The following DCUN1D5 variants were observed in gnomAD, a reference collection of about 807,000 sequenced individuals.
The protein encoded by DCUN1D5 is defective in cullin neddylation 1 domain containing 5, also known as DCN1-like protein 5.
A neutral mutation model predicts 38.3 loss-of-function variants in DCUN1D5; 10 were observed. The observed-to-expected ratio is 0.26, with a 90% CI of 0.16 to 0.44. DCUN1D5 has a LOEUF of 0.44. Among genes scored for constraint, DCUN1D5 ranks in the 20% least tolerant of loss-of-function variants. The pLI is 1.00. For missense variants in DCUN1D5, 148 were observed against 275.3 expected (o/e 0.54, Z 3.27); for synonymous variants, 93 against 90.9 (o/e 1.02, Z -0.13).
rs749513211 is a variant in DCUN1D5 at position 103,062,431 on chromosome 11, C to T, written c.659-17G>A. 1 of 1,609,126 alleles carries T rather than the reference C, an allele frequency of 6.2e-7. No homozygotes were observed. The highest frequency in any genetic ancestry group is 2.2e-5 in the East Asian group (1 of 44,838). ...GAACAGGCCCTAGAAAAAAAGAAAC[C>T]ATTTTTGTCAGAATTCAGTGAACTC... On this transcript the variant is annotated splice_polypyrimidine_tract_variant and intron_variant, in intron 7 of 7. Coordinates refer to ENST00000260247, the MANE Select transcript of DCUN1D5 (RefSeq NM_032299.4). The surrounding 1 kb of genome is among the most constrained non-coding windows in gnomAD (Gnocchi z 4.6).
intron 4 of DCUN1D5, among the ~76,000 whole-genome samples, chr11:103,072,343 T>TCTAGATCTAGAA (rs1555028579): frequency 2.4e-5 from 2 of 82,676 alleles, no homozygotes; most frequent in East Asian, 3.0e-4. Context: ...TAGAACTAGA[T>TCTAGATCTAGAA]CTAGATCTAG....
rs979756016 is a variant in DCUN1D5, at chr11:103,060,550, G to A, written c.*1809C>T. ...TATGCACAGATTTGGGTATACACAA[G>A]GGTCCTGGTATCAATCTCCTGCGTA... On this transcript the variant is annotated 3_prime_UTR_variant, in exon 8 of 8. Transcript: ENST00000260247. Among the ~76,000 whole-genome samples the A allele has an allele frequency of 3.3e-5, 5 of 152,112 alleles. No individual in the cohort carries two copies. Among genetic ancestry groups the A allele is most frequent in the African/African-American group, 1.2e-4 (5 of 41,420 alleles).
In DCUN1D5 at chr11:103,061,543, T is replaced by C. The variant is rs1271711492; in HGVS notation, c.*816A>G. Among the ~76,000 whole-genome samples the C allele has an allele frequency of 2.0e-5, 3 of 151,770 alleles. No homozygotes were observed. Among genetic ancestry groups the C allele is most frequent in the Admixed American group, 2.0e-4 (3 of 15,204 alleles). The stretch of plus-strand genomic sequence containing the variant: ...CATGATTCCTTATTCTATTGTCTTC[T>C]TTTCCTATGTGTATCTTAATTAAAT... On this transcript the variant is annotated 3_prime_UTR_variant, in exon 8 of 8. Transcript: ENST00000260247.
rs1861724993 is a variant in DCUN1D5 at position 103,051,337 on chromosome 11, T to C, written c.*11022A>G. 6.6e-6 allele frequency: 1 copy of C among 152,216 alleles called. No homozygotes were observed. The highest frequency in any genetic ancestry group is 6.5e-5 in the Admixed American group (1 of 15,284). The allele number at this position is 152,216 out of a possible 1,614,324, so 9.4% of individuals were successfully genotyped here. Reference sequence around the variant, plus strand: ...CTTTTTTAAAAAAAGATTTTCTGCATGGTTTATCTTGTGGTTTGCTTCTTC... The same window carrying C: ...CTTTTTTAAAAAAAGATTTTCTGCACGGTTTATCTTGTGGTTTGCTTCTTC... On this transcript the variant is annotated 3_prime_UTR_variant, in exon 8 of 8. Transcript: ENST00000260247.
At position 103,065,816 on chromosome 11, in the gene DCUN1D5, C is replaced by T. The variant is rs978499066; in HGVS notation, c.555+453G>A. 6.6e-6 allele frequency among the ~76,000 whole-genome samples: 1 copy of T among 151,906 alleles called. No homozygotes were observed. The highest frequency in any genetic ancestry group is 1.5e-5 in the Non-Finnish European group (1 of 67,982). ...ATTTGTGGCCATAAAATATTAATAG[C>T]TTTATTCTGTTTCTTTAGATTGAGC... On this transcript the variant is annotated intron_variant, in intron 6 of 7. Transcript: ENST00000260247. The surrounding 1 kb of genome is among the most constrained non-coding windows in gnomAD (Gnocchi z 4.6).
chr11:103,089,351 T>A, intron 1 of DCUN1D5, 33 bp from the exon 2 acceptor site: 1 of 1,555,562 alleles, frequency 6.4e-7, no homozygotes. Flanking sequence ...AAGATTTTTA[T>A]CACATCTCAA....
chr11:103,087,741 G>A lies in DCUN1D5; in HGVS notation c.178+1486C>T, dbSNP rs1862750841. Among the ~76,000 whole-genome samples the A allele has an allele frequency of 1.3e-5, 2 of 152,212 alleles. No homozygotes were observed. Among genetic ancestry groups the A allele is most frequent in the Non-Finnish European group, 2.9e-5 (2 of 68,022 alleles). The stretch of plus-strand genomic sequence containing the variant: ...AATAATATACCTGGGACAATTCCTG[G>A]AATAATGCAATTATTATGTTGGCTA... On this transcript the variant is annotated intron_variant, in intron 2 of 7. Coordinates refer to ENST00000260247, the MANE Select transcript of DCUN1D5 (RefSeq NM_032299.4). This position sits in a 1 kb window ranked among gnomAD's most constrained non-coding sequence, Gnocchi z 4.1.
At chr11:103,079,233 C>G (rs1395925208) in intron 4 of DCUN1D5, among the ~76,000 whole-genome samples, 1 of 152,102 alleles carries the variant, frequency 6.6e-6, no homozygotes, top group Non-Finnish European at 1.5e-5. Context: ...TCTCCCCAGC[C>G]CCATCCATGG....
rs986461586 is a variant in DCUN1D5 at position 103,063,128 on chromosome 11, A to G, written c.659-714T>C. Reference sequence around the variant, plus strand: ...CATGTTTCTCTATCGTAAGAAAAGCAGCAGAGCACATATGATAATAAATGG... The same window carrying G: ...CATGTTTCTCTATCGTAAGAAAAGCGGCAGAGCACATATGATAATAAATGG... On this transcript the variant is annotated intron_variant, in intron 7 of 7. Transcript: ENST00000260247. The surrounding 1 kb of genome is among the most constrained non-coding windows in gnomAD (Gnocchi z 4.6). Among the ~76,000 whole-genome samples, 2 of 152,152 alleles carry G rather than the reference A, an allele frequency of 1.3e-5. No homozygotes were observed. Among genetic ancestry groups the G allele is most frequent in the African/African-American group, 4.8e-5 (2 of 41,452 alleles).
chr11:103,091,701 C>T lies in DCUN1D5; in HGVS notation c.86+86G>A, dbSNP rs1274892449. The T allele has an allele frequency of 6.2e-7, 1 of 1,611,450 alleles. No individual in the cohort carries two copies. The highest frequency in any genetic ancestry group is 8.5e-7 in the Non-Finnish European group (1 of 1,178,998). On this transcript the variant is annotated intron_variant, in intron 1 of 7. Coordinates refer to ENST00000260247, the MANE Select transcript of DCUN1D5 (RefSeq NM_032299.4). The surrounding 1 kb of genome is among the most constrained non-coding windows in gnomAD (Gnocchi z 4.3). The stretch of plus-strand genomic sequence containing the variant: ...GGCCTCACCTGTCTCCAGCCCCAGC[C>T]CGGCAGGCCGGGCCCGACTCCTTTT...
rs760154050 is a variant in DCUN1D5 at position 103,062,451 on chromosome 11, G to A, written c.659-37C>T. 6.4e-7 allele frequency: 1 copy of A among 1,574,080 alleles called. No homozygotes were observed. The highest frequency in any genetic ancestry group is 8.7e-7 in the Non-Finnish European group (1 of 1,146,964). On this transcript the variant is annotated intron_variant, in intron 7 of 7. Coordinates refer to ENST00000260247, the MANE Select transcript of DCUN1D5 (RefSeq NM_032299.4). This position sits in a 1 kb window ranked among gnomAD's most constrained non-coding sequence, Gnocchi z 4.6. ...GAAACCATTTTTGTCAGAATTCAGT[G>A]AACTCATCTCTCCAATTATAAAACA... is the stretch of plus-strand genomic sequence containing the variant.
rs1433570876 is a variant in DCUN1D5, at chr11:103,055,064, T to A, written c.*7295A>T. The A allele has an allele frequency of 6.6e-6, 1 of 152,150 alleles. No homozygotes were observed. Among genetic ancestry groups the A allele is most frequent in the African/African-American group, 2.4e-5 (1 of 41,440 alleles). The allele number at this position is 152,150 out of a possible 1,614,324, so 9.4% of individuals were successfully genotyped here. ...AGATACCTTGGGGATGGGACCCAAG[T>A]CTAAACATGAAATTCATTTATGTTT... is the stretch of plus-strand genomic sequence containing the variant. On this transcript the variant is annotated 3_prime_UTR_variant, in exon 8 of 8. Coordinates refer to ENST00000260247, the MANE Select transcript of DCUN1D5 (RefSeq NM_032299.4).
chr11:103,052,128 T>A lies in DCUN1D5; in HGVS notation c.*10231A>T, dbSNP rs1444102089. 1 of 152,200 alleles carries A rather than the reference T, an allele frequency of 6.6e-6. No homozygotes were observed. The highest frequency in any genetic ancestry group is 1.5e-5 in the Non-Finnish European group (1 of 68,022). The allele number at this position is 152,200 out of a possible 1,614,324, so 9.4% of individuals were successfully genotyped here. A position where few individuals can be genotyped will look rare whatever the true frequency, so the allele number is the denominator to read the frequency against. On this transcript the variant is annotated 3_prime_UTR_variant, in exon 8 of 8. Coordinates refer to ENST00000260247, the MANE Select transcript of DCUN1D5 (RefSeq NM_032299.4). ...TATGTGAGACTGCTCCAGTACTACT[T>A]AAACGTAAGTTTTATTCAGTTCTGC...
Position 103,074,801 on chromosome 11 carries a change from C to T in DCUN1D5, c.341+7947G>A, listed in dbSNP as rs180858641. ...TCTGTAACCACAGAGTTGTCTTATGCGGAAATTGTGATAATTCATAAATTA... is the reference window on the plus strand; with the variant it reads ...TCTGTAACCACAGAGTTGTCTTATGTGGAAATTGTGATAATTCATAAATTA... On this transcript the variant is annotated intron_variant, in intron 4 of 7. Coordinates refer to ENST00000260247, the MANE Select transcript of DCUN1D5 (RefSeq NM_032299.4). 9.2e-5 allele frequency among the ~76,000 whole-genome samples: 14 copies of T among 152,234 alleles called. No individual in the cohort carries two copies. The East Asian group carries it at 1.2e-3, about 13-fold the overall frequency.
rs937527172 is a variant in DCUN1D5 at position 103,087,084 on chromosome 11, G to A, written c.178+2143C>T. ...CTCATGCCTGTAATCCCACCACTCT[G>A]GGAAGCTGAGGCAATTAGATCACTT... On this transcript the variant is annotated intron_variant, in intron 2 of 7. Transcript: ENST00000260247. The surrounding 1 kb of genome is among the most constrained non-coding windows in gnomAD (Gnocchi z 4.1). 5.9e-5 allele frequency among the ~76,000 whole-genome samples: 9 copies of A among 151,914 alleles called. No homozygotes were observed. The highest frequency in any genetic ancestry group is 2.2e-4 in the African/African-American group (9 of 41,382).
rs563367584 is a variant in DCUN1D5 at position 103,077,116 on chromosome 11, C to T, written c.341+5632G>A. Among the ~76,000 whole-genome samples the T allele has an allele frequency of 1.3e-5, 2 of 152,032 alleles. No homozygotes were observed. The highest frequency in any genetic ancestry group is 2.9e-5 in the Non-Finnish European group (2 of 68,010). ...TCAGGAGTCTGAAGCAGGGGAATGGCGTGAACCCGGGAGGCGGAGCTTGCA... is the reference window on the plus strand; with the variant it reads ...TCAGGAGTCTGAAGCAGGGGAATGGTGTGAACCCGGGAGGCGGAGCTTGCA... On this transcript the variant is annotated intron_variant, in intron 4 of 7. Coordinates refer to ENST00000260247, the MANE Select transcript of DCUN1D5 (RefSeq NM_032299.4). The surrounding 1 kb of genome is among the most constrained non-coding windows in gnomAD (Gnocchi z 4.3).
At position 103,059,799 on chromosome 11, in the gene DCUN1D5, T is replaced by A. The variant is rs1469919990; in HGVS notation, c.*2560A>T. Reference sequence around the variant, plus strand: ...GTCCAATCAACATCTGGCTCTACTTTCTCCCAGTAGTATTACATTTGTATA... The same window carrying A: ...GTCCAATCAACATCTGGCTCTACTTACTCCCAGTAGTATTACATTTGTATA... On this transcript the variant is annotated 3_prime_UTR_variant, in exon 8 of 8. Transcript: ENST00000260247. 6.6e-6 allele frequency among the ~76,000 whole-genome samples: 1 copy of A among 152,014 alleles called. No homozygotes were observed. The highest frequency in any genetic ancestry group is 1.5e-5 in the Non-Finnish European group (1 of 67,996).
intron 4 of DCUN1D5, among the ~76,000 whole-genome samples, chr11:103,075,683 T>C (rs1174239471): frequency 2.0e-5 from 3 of 152,158 alleles, no homozygotes; most frequent in Non-Finnish European, 2.9e-5. Flanking sequence ...CTGGCCAAGA[T>C]GTTTTTATAT....
chr11:103,064,732 T>C lies in DCUN1D5; in HGVS notation c.556-355A>G, dbSNP rs1206282706. On this transcript the variant is annotated intron_variant, in intron 6 of 7. Transcript: ENST00000260247. The surrounding 1 kb of genome is among the most constrained non-coding windows in gnomAD (Gnocchi z 4.5). ...TGCTGCTTCCTAGTAAATCATTTCT[T>C]TGCTCAAGATTTACTGTTTAGCCAC... Among the ~76,000 whole-genome samples the C allele has an allele frequency of 6.6e-6, 1 of 152,178 alleles. No homozygotes were observed. The highest frequency in any genetic ancestry group is 2.4e-5 in the African/African-American group (1 of 41,450).
Sources: allele counts gnomAD v4.1 joint callset (sites outside exome capture counted in the v4.1 genomes callset), GRCh38; gene constraint gnomAD v4.1.1; non-coding constraint Gnocchi (gnomAD v3.1); transcripts MANE v1.5; gene names NCBI Gene and HGNC (gene_info 2026-07-23, HGNC 2026-07-21).